The following MECOM variants were observed in gnomAD, a reference collection of about 807,000 sequenced individuals.
The protein encoded by MECOM is MDS1 and EVI1 complex locus.
MECOM carries 13 observed loss-of-function variants against 116.3 expected under a neutral mutation model. The observed-to-expected ratio is 0.11, with a 90% CI of 0.07 to 0.18. MECOM has a LOEUF of 0.18. MECOM is among the 10% of genes least tolerant of loss of function. The pLI, the probability that MECOM is intolerant of heterozygous loss-of-function variation, is 1.00. For missense variants in MECOM, 1,299 were observed against 1,509.0 expected (o/e 0.86, Z 2.31); for synonymous variants, 528 against 535.2 (o/e 0.99, Z 0.19).
chr3:169,644,476 C>T (rs1166446699), intron 1 of MECOM, among the ~76,000 whole-genome samples: 2 of 152,044 alleles, frequency 1.3e-5, no homozygotes, highest in African/African-American at 4.8e-5. Context: ...AGGCTGGTCT[C>T]AAACTCCTGA....
intron 12 of MECOM, among the ~76,000 whole-genome samples, chr3:169,097,587 C>A (rs941599888): frequency 2.0e-5 from 3 of 151,684 alleles, no homozygotes; most frequent in Admixed American, 2.0e-4. Context: ...GCAGACTTTG[C>A]GGAAGGCAAT....
At chr3:169,168,965 T>C (rs1344259653) in intron 2 of MECOM, among the ~76,000 whole-genome samples, 1 of 151,840 alleles carries the variant, frequency 6.6e-6, no homozygotes, top group Non-Finnish European at 1.5e-5. Context: ...ATAAAATATC[T>C]TCATATAATA....
chr3:169,457,214 T>C (rs1252034698), intron 1 of MECOM, among the ~76,000 whole-genome samples: 2 of 152,114 alleles, frequency 1.3e-5, no homozygotes, highest in African/African-American at 2.4e-5. Flanking sequence ...GGCCAGAATC[T>C]TCACTAATTA....
At chr3:169,092,909 A>G (rs1720216107) in intron 14 of MECOM, 49 bp downstream of exon 14, 7 of 1,609,220 alleles carry the variant, frequency 4.3e-6, no homozygotes, top group Non-Finnish European at 5.9e-6. Flanking sequence ...ATTTTAAAAC[A>G]TGTTCATTTC....
rs1341652452 is a variant in MECOM, at chr3:169,482,324, C to CGTTCTTTTTTTTTT, written c.38-100814_38-100801dup. ...CTCTGTTACAGGGGAGCTTAACCCA[C>CGTTCTTTTTTTTTT]GTTCTTTTTTTTTTTTTTTTTTTTT... On this transcript the variant is annotated intron_variant, in intron 1 of 16. Transcript: ENST00000651503. 8.2e-5 allele frequency among the ~76,000 whole-genome samples: 10 copies of CGTTCTTTTTTTTTT among 121,418 alleles called. No individual in the cohort carries two copies. The East Asian group carries it at 2.0e-3, about 24-fold the overall frequency. The allele number at this position is 121,418 out of a possible 152,430, so 79.7% of individuals were successfully genotyped here.
chr3:169,460,794 A>C (rs565471444), intron 1 of MECOM, among the ~76,000 whole-genome samples: 1 of 152,306 alleles, frequency 6.6e-6, no homozygotes, highest in African/African-American at 2.4e-5. Context: ...GAGTGCAAAG[A>C]GGAAATGGCA....
intron 1 of MECOM, among the ~76,000 whole-genome samples, chr3:169,550,251 G>A (rs772208384): frequency 1.3e-5 from 2 of 152,112 alleles, no homozygotes; most frequent in African/African-American, 2.4e-5. Flanking sequence ...CTTTTTCCAG[G>A]CCAAGATACC....
intron 1 of MECOM, among the ~76,000 whole-genome samples, chr3:169,399,872 A>G (rs929183437): frequency 1.3e-5 from 2 of 152,208 alleles, no homozygotes; most frequent in South Asian, 4.1e-4. Context: ...AGACAAATAA[A>G]TGCCCTTTTC....
Position 169,112,884 on chromosome 3 carries a change from T to G in MECOM, c.2490-10A>C. On this transcript the variant is annotated splice_polypyrimidine_tract_variant and intron_variant, in intron 8 of 16. Transcript: ENST00000651503. ...TTTTCTTTTCTCTACTCTGAAAGGTTAAAATTAGATTTTGGAGATGAAGCA... is the reference window on the plus strand; with the variant it reads ...TTTTCTTTTCTCTACTCTGAAAGGTGAAAATTAGATTTTGGAGATGAAGCA... The G allele has an allele frequency of 6.3e-7, 1 of 1,596,240 alleles. No homozygotes were observed. Among genetic ancestry groups the G allele is most frequent in the South Asian group, 1.1e-5 (1 of 90,140 alleles).
At chr3:169,327,248 A>G (rs1342560896) in intron 2 of MECOM, among the ~76,000 whole-genome samples, 2 of 152,366 alleles carry the variant, frequency 1.3e-5, no homozygotes, top group African/African-American at 2.4e-5. Context: ...ATGGTAATGT[A>G]CATATGGTAG....
intron 2 of MECOM, among the ~76,000 whole-genome samples, chr3:169,305,442 C>T (rs1003764385): frequency 3.3e-5 from 5 of 152,144 alleles, no homozygotes; most frequent in Middle Eastern, 6.8e-3. Context: ...CACAAGGAAG[C>T]CCAAAGCACT....
At chr3:169,106,274 T>A (rs973271322) in intron 10 of MECOM, among the ~76,000 whole-genome samples, 18 of 152,270 alleles carry the variant, frequency 1.2e-4, no homozygotes, top group Admixed American at 5.2e-4. Flanking sequence ...CATTCAGCAG[T>A]CATGATTATG....
At chr3:169,561,708 C>A (rs1471930709) in intron 1 of MECOM, among the ~76,000 whole-genome samples, 1 of 152,174 alleles carries the variant, frequency 6.6e-6, no homozygotes, top group Non-Finnish European at 1.5e-5. Context: ...ACACACACCA[C>A]ACACAGGCAC....
chr3:169,259,012 A>G (rs138771330), intron 2 of MECOM, among the ~76,000 whole-genome samples: 4 of 152,188 alleles, frequency 2.6e-5, no homozygotes, highest in African/African-American at 9.6e-5. Context: ...TTGCATCCCA[A>G]ATCTCAGGCT....
chr3:169,305,262 T>C (rs1236070206), intron 2 of MECOM, among the ~76,000 whole-genome samples: 1 of 152,220 alleles, frequency 6.6e-6, no homozygotes, highest in Non-Finnish European at 1.5e-5. Flanking sequence ...CAGATTTTAT[T>C]ATGTTACTTG....
At chr3:169,173,946 T>C (rs1333793027) in intron 2 of MECOM, among the ~76,000 whole-genome samples, 1 of 152,218 alleles carries the variant, frequency 6.6e-6, no homozygotes, top group Non-Finnish European at 1.5e-5. Flanking sequence ...ACTAATGGGA[T>C]TGTAAGTCCT....
intron 1 of MECOM, among the ~76,000 whole-genome samples, chr3:169,456,471 G>A (rs1443155197): frequency 6.6e-6 from 1 of 152,150 alleles, no homozygotes; most frequent in Non-Finnish European, 1.5e-5. Context: ...GGGAAATAAG[G>A]GATGCATTTG....
At position 169,663,381 on chromosome 3, in the gene MECOM, C is replaced by G; in HGVS notation, c.-9G>C. ...CTGCCTTTGGATCTCATGCTGTGCC[C>G]AGTCCTGCAGCCGCTGGTGTGTGGT... is the stretch of plus-strand genomic sequence containing the variant. On this transcript the variant is annotated 5_prime_UTR_variant, in exon 1 of 17. Transcript: ENST00000651503. 6.2e-7 allele frequency: 1 copy of G among 1,609,718 alleles called. No homozygotes were observed. Among genetic ancestry groups the G allele is most frequent in the Non-Finnish European group, 8.5e-7 (1 of 1,178,178 alleles).
rs146889922 is a variant in MECOM, at chr3:169,335,870, T to C, written c.375+45317A>G. Reference sequence around the variant, plus strand: ...ATTTATAAAACAAAGAAATCCATTTTACTAAACTATGATTTCATATTATCT... The same window carrying C: ...ATTTATAAAACAAAGAAATCCATTTCACTAAACTATGATTTCATATTATCT... On this transcript the variant is annotated intron_variant, in intron 2 of 16. Coordinates refer to ENST00000651503, the MANE Select transcript of MECOM (RefSeq NM_004991.4). Among the ~76,000 whole-genome samples the C allele has an allele frequency of 1.9e-3, 295 of 152,272 alleles. 3 individuals carry two copies. The highest frequency in any genetic ancestry group is 6.8e-3 in the African/African-American group (282 of 41,582).
Sources: gnomAD v4.1 joint callset for allele counts (sites outside exome capture counted in the v4.1 genomes callset) on GRCh38, gnomAD v4.1.1 for gene constraint, MANE v1.5 for transcripts, NCBI Gene and HGNC (gene_info 2026-07-23, HGNC 2026-07-21) for gene names.